Variants in CNTN1 observed in about 807,000 individuals in gnomAD.
CNTN1 encodes the protein contactin 1.
Under a neutral mutation model 126.4 loss-of-function variants are expected in CNTN1, and 38 were observed. The ratio of observed to expected loss-of-function variants is 0.30; its 90% CI spans 0.23 to 0.39. CNTN1 has a LOEUF of 0.39. Among genes scored for constraint, CNTN1 ranks in the 10% least tolerant of loss-of-function variants. The pLI, the probability that CNTN1 is intolerant of heterozygous loss-of-function variation, is 1.00. For missense variants in CNTN1, 1,009 were observed against 1,248.4 expected (o/e 0.81, Z 2.89); for synonymous variants, 413 against 422.6 (o/e 0.98, Z 0.28).
chr12:40,829,166 A>G (rs534927091), intron 1 of CNTN1, among the ~76,000 whole-genome samples: 23 of 152,310 alleles, frequency 1.5e-4, no homozygotes, highest in African/African-American at 5.5e-4. Flanking sequence ...CTTTAGGATG[A>G]GAAAACAGAA....
intron 1 of CNTN1, among the ~76,000 whole-genome samples, chr12:40,779,928 T>C (rs1335274825): frequency 6.6e-6 from 1 of 151,952 alleles, no homozygotes; most frequent in Non-Finnish European, 1.5e-5. Flanking sequence ...AGGACTCTTT[T>C]ACATTGGAAG....
At chr12:40,926,270 C>T (rs534405584) in intron 6 of CNTN1, among the ~76,000 whole-genome samples, 1 of 151,438 alleles carries the variant, frequency 6.6e-6, no homozygotes, top group South Asian at 2.1e-4. Context: ...AATGACTGAA[C>T]TCAGGAGGAG....
At chr12:40,716,989 G>C (rs1026416375) in intron 1 of CNTN1, among the ~76,000 whole-genome samples, 25 of 152,146 alleles carry the variant, frequency 1.6e-4, no homozygotes, top group African/African-American at 5.3e-4. Flanking sequence ...AATGGGGAAA[G>C]AGAAAATAAT....
At position 41,072,160 on chromosome 12, in the gene CNTN1, A is replaced by T. The variant is rs2120365092; in HGVS notation, c.*2125A>T. The T allele has an allele frequency of 6.6e-6, 1 of 152,350 alleles. No individual in the cohort carries two copies. Among genetic ancestry groups the T allele is most frequent in the East Asian group, 1.9e-4 (1 of 5,190 alleles). 9.4% of individuals were successfully genotyped at this position (152,350 alleles called of 1,614,324 possible). ...GGACCATCAGTTTTAAACTGTTGTC[A>T]AGCTAACTAATAATCATCTGCTTTA... On this transcript the variant is annotated 3_prime_UTR_variant, in exon 24 of 24. Coordinates refer to ENST00000551295, the MANE Select transcript of CNTN1 (RefSeq NM_001843.4).
intron 20 of CNTN1, among the ~76,000 whole-genome samples, chr12:41,020,916 C>T (rs1948891847): frequency 6.6e-6 from 1 of 151,920 alleles, no homozygotes; most frequent in Non-Finnish European, 1.5e-5. Context: ...TCAAAATGAC[C>T]CAAATAAAAC....
Position 40,943,601 on chromosome 12 carries a change from C to G in CNTN1, c.1384C>G (p.Leu462Val), listed in dbSNP as rs1478199827. 6.4e-7 allele frequency: 1 copy of G among 1,566,332 alleles called. No homozygotes were observed. ...TEWLVNSSRI[L>V]IWEDGSLEIN... The stretch of plus-strand genomic sequence containing the variant: ...TATATATTTTTATTTCACTAGAATA[C>G]TCATTTGGGAAGATGGTAGCTTGGA... Residue 462 changes from leucine to valine, a missense_variant, in exon 13 of 24, where the codon CTC (leucine) becomes GTC (valine). Transcript: ENST00000551295.
chr12:40,697,170 C>T (rs1591982495), intron 1 of CNTN1, among the ~76,000 whole-genome samples: 2 of 152,248 alleles, frequency 1.3e-5, no homozygotes, highest in Admixed American at 6.5e-5. Flanking sequence ...TATTTTTAGC[C>T]TCATAACACT....
chr12:41,059,036 A>G (rs562755440), intron 23 of CNTN1, among the ~76,000 whole-genome samples: 2 of 118,618 alleles, frequency 1.7e-5, no homozygotes, highest in South Asian at 4.9e-4. Flanking sequence ...CCTTTTTGAT[A>G]GATGGATGAC....
intron 6 of CNTN1, among the ~76,000 whole-genome samples, chr12:40,925,591 GTATATATATATATACGTGTA>G (rs1285266786): frequency 2.2e-5 from 3 of 135,954 alleles, no homozygotes; most frequent in African/African-American, 8.2e-5. Context: ...ATATATACAT[GTATATATATATATACGTGTA>G]TATATATATA....
intron 1 of CNTN1, among the ~76,000 whole-genome samples, chr12:40,726,985 T>G (rs1017462472): frequency 4.0e-5 from 6 of 150,168 alleles, no homozygotes; most frequent in African/African-American, 1.5e-4. Flanking sequence ...ATTTTTAATC[T>G]AAAAAGTCTT....
chr12:40,810,266 A>C (rs894207883), intron 1 of CNTN1, among the ~76,000 whole-genome samples: 2 of 152,160 alleles, frequency 1.3e-5, no homozygotes, highest in African/African-American at 4.8e-5. Context: ...TTTATGTATT[A>C]AAGGTGTATA....
At position 41,010,699 on chromosome 12, in the gene CNTN1, T is replaced by C. The variant is rs1042874849; in HGVS notation, c.2114-3529T>C. ...TATGTTTTATGAGTGCCTATCAGTC[T>C]TTCCATAAAGGCTGCAGGATTCTCA... On this transcript the variant is annotated intron_variant, in intron 17 of 23. Coordinates refer to ENST00000551295, the MANE Select transcript of CNTN1 (RefSeq NM_001843.4). 2.0e-5 allele frequency among the ~76,000 whole-genome samples: 3 copies of C among 152,230 alleles called. 1 individual carries two copies. The highest frequency in any genetic ancestry group is 2.9e-5 in the Non-Finnish European group (2 of 68,038).
intron 17 of CNTN1, among the ~76,000 whole-genome samples, chr12:41,003,379 T>C (rs1948413258): frequency 6.6e-6 from 1 of 152,182 alleles, no homozygotes. Flanking sequence ...TTCGTTGATG[T>C]TCATCAAGGA....
At chr12:40,906,482 C>A (rs1018032007) in intron 1 of CNTN1, among the ~76,000 whole-genome samples, 4 of 151,966 alleles carry the variant, frequency 2.6e-5, no homozygotes, top group African/African-American at 4.8e-5. Flanking sequence ...AGGATTCTTG[C>A]AAATCAGGGA....
chr12:40,729,643 C>G (rs1453731238), intron 1 of CNTN1: 1 of 220,370 alleles, frequency 4.5e-6, no homozygotes, highest in Non-Finnish European at 1.0e-5. Flanking sequence ...ATGGAGTCCA[C>G]AAACTTTTTC....
intron 1 of CNTN1, among the ~76,000 whole-genome samples, chr12:40,776,625 T>C (rs1939586903): frequency 6.6e-6 from 1 of 151,748 alleles, no homozygotes; most frequent in East Asian, 1.9e-4. Context: ...TCTCTATCCC[T>C]ACTTCCTTCT....
In CNTN1 at chr12:40,981,076, T is replaced by TGTCTG; in HGVS notation, c.1963+9_1963+10insGTCTG. On this transcript the variant is annotated intron_variant, in intron 16 of 23. Transcript: ENST00000551295. ...GAAAGATGCAAAGACAGGTGAGTTT[T>TGTCTG]ATTTGTCTGATTAATCCGTGCATGT... 6.2e-7 allele frequency: 1 copy of TGTCTG among 1,611,772 alleles called. No homozygotes were observed. The highest frequency in any genetic ancestry group is 1.1e-5 in the South Asian group (1 of 90,998).
chr12:40,790,273 C>T (rs1256969620), intron 1 of CNTN1, among the ~76,000 whole-genome samples: 1 of 152,094 alleles, frequency 6.6e-6, no homozygotes, highest in Non-Finnish European at 1.5e-5. Flanking sequence ...CACAGATGAA[C>T]TTCAGGAGCC....
At chr12:40,864,524 A>C (rs753567093) in intron 1 of CNTN1, among the ~76,000 whole-genome samples, 6 of 152,054 alleles carry the variant, frequency 3.9e-5, no homozygotes, top group Admixed American at 1.3e-4. Context: ...GCAATCACTA[A>C]TCTACTTTCT....
Sources: allele counts gnomAD v4.1 joint callset (sites outside exome capture counted in the v4.1 genomes callset), GRCh38; gene constraint gnomAD v4.1.1; transcripts MANE v1.5; gene names NCBI Gene and HGNC (gene_info 2026-07-23, HGNC 2026-07-21).